Variants in PTPRD observed in about 807,000 individuals in gnomAD.
PTPRD encodes the protein receptor-type tyrosine-protein phosphatase delta.
A neutral mutation model predicts 214.5 loss-of-function variants in PTPRD; 34 were observed. That is an observed-to-expected ratio of 0.16 (90% CI 0.12 to 0.21). The LOEUF (loss-of-function observed/expected upper bound fraction) is 0.21. PTPRD is among the 10% of genes least tolerant of loss of function. The pLI, the probability that PTPRD is intolerant of heterozygous loss-of-function variation, is 1.00. For synonymous variants in PTPRD, 1,128 were observed against 845.7 expected (o/e 1.33, Z -5.79); for missense variants, 2,545 against 2,398.7 (o/e 1.06, Z -1.27).
At chr9:9,007,800 C>CT (rs35845079) in intron 11 of PTPRD, among the ~76,000 whole-genome samples, 10,113 of 102,628 alleles carry the variant, frequency 0.099, 441 homozygotes, top group East Asian at 0.14. Flanking sequence ...TTGTTTCTTT[C>CT]TTTTTTTTTT....
intron 36 of PTPRD, among the ~76,000 whole-genome samples, chr9:8,392,025 A>G (rs2089756939): frequency 6.6e-6 from 1 of 152,172 alleles, no homozygotes. Flanking sequence ...CAGGATAAGA[A>G]TACAAAAATG....
chr9:8,863,644 T>A (rs1991863), intron 11 of PTPRD, among the ~76,000 whole-genome samples: 83,359 of 151,930 alleles, frequency 0.55, 23,147 homozygotes, highest in East Asian at 0.69. Context: ...ATAAACATTT[T>A]GAGGCCACCT....
intron 8 of PTPRD, among the ~76,000 whole-genome samples, chr9:9,432,467 C>T (rs2083572872): frequency 6.6e-6 from 1 of 152,060 alleles, no homozygotes; most frequent in Admixed American, 6.6e-5. Context: ...TATTTGTAGC[C>T]TAATACCTCA....
intron 11 of PTPRD, among the ~76,000 whole-genome samples, chr9:8,799,121 A>T (rs1478050167): frequency 2.0e-5 from 3 of 152,184 alleles, no homozygotes; most frequent in African/African-American, 7.2e-5. Flanking sequence ...CTTTATCTAC[A>T]TGTCAGAGTC....
intron 2 of PTPRD, among the ~76,000 whole-genome samples, chr9:10,591,133 A>G (rs1382487732): frequency 6.6e-6 from 1 of 151,882 alleles, no homozygotes; most frequent in East Asian, 1.9e-4. Flanking sequence ...TTCCTTATTT[A>G]GACCTGTTTT....
At chr9:9,972,146 A>T (rs998941728) in intron 4 of PTPRD, among the ~76,000 whole-genome samples, 1 of 152,208 alleles carries the variant, frequency 6.6e-6, no homozygotes, top group Non-Finnish European at 1.5e-5. Flanking sequence ...TGACAGTCAG[A>T]AACATGACTT....
intron 8 of PTPRD, among the ~76,000 whole-genome samples, chr9:9,436,889 C>CAAAAAAAAA (rs34882181): frequency 6.9e-6 from 1 of 143,990 alleles, no homozygotes. Context: ...GTTACTAAGG[C>CAAAAAAAAA]AAAAAAAAAA....
At chr9:9,799,709 A>T (rs1463533441) in intron 5 of PTPRD, 3 of 152,220 alleles carry the variant, frequency 2.0e-5, no homozygotes, top group East Asian at 1.9e-4. Context: ...GTTAGGCTTC[A>T]ATAAAAGTTG....
intron 11 of PTPRD, among the ~76,000 whole-genome samples, chr9:8,873,638 T>G (rs1587063588): frequency 6.6e-6 from 1 of 152,214 alleles, no homozygotes; most frequent in East Asian, 1.9e-4. Flanking sequence ...TTCATCTTAA[T>G]GAAGGCTGGA....
At chr9:9,306,056 G>A (rs147917761) in intron 9 of PTPRD, among the ~76,000 whole-genome samples, 136 of 152,250 alleles carry the variant, frequency 8.9e-4, no homozygotes, top group Middle Eastern at 3.4e-3. Flanking sequence ...CACCAGTACA[G>A]AGTACAATAA....
chr9:9,263,599 C>T (rs1278679995), intron 9 of PTPRD, among the ~76,000 whole-genome samples: 1 of 151,496 alleles, frequency 6.6e-6, no homozygotes, highest in East Asian at 2.0e-4. Flanking sequence ...TCCAATTTTC[C>T]CTGAATTAAT....
intron 3 of PTPRD, among the ~76,000 whole-genome samples, chr9:10,072,200 G>T (rs2154180408): frequency 6.6e-6 from 1 of 152,116 alleles, no homozygotes; most frequent in Admixed American, 6.6e-5. Context: ...GATATAGGTG[G>T]CAAGTTAAGT....
At chr9:9,575,743 A>AAAAG (rs1563798684) in intron 7 of PTPRD, among the ~76,000 whole-genome samples, 70 of 136,846 alleles carry the variant, frequency 5.1e-4, no homozygotes, top group African/African-American at 1.7e-3. Context: ...AAAAAAAAAA[A>AAAAG]AAAGAAAGAA....
intron 2 of PTPRD, among the ~76,000 whole-genome samples, chr9:10,417,111 C>T (rs1378051051): frequency 1.3e-5 from 2 of 151,682 alleles, no homozygotes; most frequent in African/African-American, 4.8e-5. Flanking sequence ...GCTCTCACTC[C>T]GTTCATTTAA....
intron 12 of PTPRD, among the ~76,000 whole-genome samples, chr9:8,684,703 ATTTAC>A (rs2097642586): frequency 2.0e-5 from 3 of 152,196 alleles, no homozygotes; most frequent in Admixed American, 2.0e-4. Flanking sequence ...ACAGGAAACT[ATTTAC>A]AAGAAGACAC....
chr9:8,579,990 G>C (rs763230377), intron 14 of PTPRD, among the ~76,000 whole-genome samples: 2 of 152,176 alleles, frequency 1.3e-5, no homozygotes, highest in Non-Finnish European at 2.9e-5. Context: ...CTGGGTGGTA[G>C]CTATGAACAT....
rs182611846 is a variant in PTPRD, at chr9:8,867,374, G to A, written c.-103-133428C>T. Reference sequence around the variant, plus strand: ...CCCTCCCCCTTGGCAAAGACACAAGGGTCCAGCAGTCTAGAAGCAGACTGT... The same window carrying A: ...CCCTCCCCCTTGGCAAAGACACAAGAGTCCAGCAGTCTAGAAGCAGACTGT... On this transcript the variant is annotated intron_variant, in intron 11 of 45. Transcript: ENST00000381196. Among the ~76,000 whole-genome samples the A allele has an allele frequency of 2.0e-5, 3 of 152,244 alleles. No individual in the cohort carries two copies. In the East Asian group the frequency reaches 5.8e-4, roughly 29 times the overall value.
Position 8,449,650 on chromosome 9 carries a change from C to T in PTPRD, c.3988+75G>A, listed in dbSNP as rs2095860371. ...ATGGCTCAAAATAAAGTGATACCTT[C>T]AACTCTTAATATCAATTGAGCTGTA... On this transcript the variant is annotated intron_variant, in intron 34 of 45. Transcript: ENST00000381196. 5.3e-6 allele frequency: 7 copies of T among 1,324,580 alleles called. No homozygotes were observed. In the South Asian group the frequency reaches 9.9e-5, roughly 19 times the overall value. The allele number at this position is 1,324,580 out of a possible 1,614,324, so 82.1% of individuals were successfully genotyped here.
chr9:10,461,219 T>C (rs1018621570), intron 2 of PTPRD, among the ~76,000 whole-genome samples: 7 of 137,114 alleles, frequency 5.1e-5, no homozygotes, highest in African/African-American at 8.3e-5. Context: ...ATAACTATTA[T>C]AAAAAAGATA....
Sources: gnomAD v4.1 joint callset for allele counts (sites outside exome capture counted in the v4.1 genomes callset) on GRCh38, gnomAD v4.1.1 for gene constraint, MANE v1.5 for transcripts, NCBI Gene and HGNC (gene_info 2026-07-23, HGNC 2026-07-21) for gene names.